The following LRMDA variants were observed in gnomAD, a reference collection of about 807,000 sequenced individuals.
LRMDA encodes the protein leucine rich melanocyte differentiation associated.
In LRMDA, 18 loss-of-function variants were observed where a neutral mutation model predicts 29.8. That is an observed-to-expected ratio of 0.60 (90% CI 0.42 to 0.90). The LOEUF is 0.90. Ranked by LOEUF, LRMDA falls within the 40% of genes least tolerant of loss-of-function variation. The pLI is 0.00. For missense variants in LRMDA, 273 were observed against 273.9 expected (o/e 1.00, Z 0.02); for synonymous variants, 125 against 109.4 (o/e 1.14, Z -0.89).
chr10:75,588,542 G>A (rs188682898), intron 2 of LRMDA, among the ~76,000 whole-genome samples: 36 of 152,170 alleles, frequency 2.4e-4, no homozygotes, highest in South Asian at 1.7e-3. Flanking sequence ...CCTATTTTGG[G>A]CATGCAGGTC....
At chr10:75,490,909 C>G (rs368480898) in intron 2 of LRMDA, among the ~76,000 whole-genome samples, 15 of 152,162 alleles carry the variant, frequency 9.9e-5, no homozygotes, top group African/African-American at 3.6e-4. Context: ...TGGAATCAAC[C>G]TCTCCTCTCC....
At chr10:75,862,686 C>G (rs1242092974) in intron 2 of LRMDA, among the ~76,000 whole-genome samples, 1 of 152,174 alleles carries the variant, frequency 6.6e-6, no homozygotes, top group Admixed American at 6.5e-5. Flanking sequence ...AGGGAAATAA[C>G]TAAACCTCCT....
intron 5 of LRMDA, among the ~76,000 whole-genome samples, chr10:76,104,824 C>G (rs752549084): frequency 6.6e-6 from 1 of 152,110 alleles, no homozygotes; most frequent in Non-Finnish European, 1.5e-5. Context: ...TGCCATCTCA[C>G]TGGGAGGCCT....
At chr10:75,498,273 CT>C (rs1011122004) in intron 2 of LRMDA, among the ~76,000 whole-genome samples, 42 of 152,152 alleles carry the variant, frequency 2.8e-4, no homozygotes, top group Middle Eastern at 3.4e-3. Context: ...CTTTCTGCAG[CT>C]TTTTTTTCCC....
intron 2 of LRMDA, among the ~76,000 whole-genome samples, chr10:75,586,552 T>G (rs995196584): frequency 2.0e-5 from 3 of 151,886 alleles, no homozygotes; most frequent in African/African-American, 7.3e-5. Context: ...GAGATAGGGC[T>G]TCACCGTGTT....
intron 2 of LRMDA, among the ~76,000 whole-genome samples, chr10:75,561,554 AT>A (rs1840295751): frequency 6.6e-6 from 1 of 151,098 alleles, no homozygotes; most frequent in Non-Finnish European, 1.5e-5. Context: ...GATTTTAGTT[AT>A]TTCTTGCCTT....
intron 2 of LRMDA, among the ~76,000 whole-genome samples, chr10:75,600,600 G>C (rs1226703806): frequency 6.6e-6 from 1 of 152,192 alleles, no homozygotes; most frequent in East Asian, 1.9e-4. Context: ...CAGAAGAAAA[G>C]GCTTCTGGGG....
At chr10:76,539,231 C>T (rs1242776968) in intron 6 of LRMDA, among the ~76,000 whole-genome samples, 1 of 151,856 alleles carries the variant, frequency 6.6e-6, no homozygotes, top group Non-Finnish European at 1.5e-5. Flanking sequence ...GTTGTAGATA[C>T]TCTAGGAAGA....
chr10:76,432,999 C>G (rs11001780), intron 6 of LRMDA, among the ~76,000 whole-genome samples: 59,459 of 151,962 alleles, frequency 0.39, 12,128 homozygotes, highest in Non-Finnish European at 0.43. Context: ...GGACTGCTGG[C>G]GGATGAATTG....
At chr10:75,982,350 G>A (rs888770108) in intron 2 of LRMDA, among the ~76,000 whole-genome samples, 1 of 152,156 alleles carries the variant, frequency 6.6e-6, no homozygotes. Context: ...GGGGTGCCTA[G>A]TGGGTGATAT....
intron 6 of LRMDA, among the ~76,000 whole-genome samples, chr10:76,355,146 G>A (rs1841223916): frequency 2.0e-5 from 3 of 152,086 alleles, no homozygotes; most frequent in Admixed American, 1.3e-4. Context: ...AAGCTTATGA[G>A]CTCATAGGAA....
intron 6 of LRMDA, among the ~76,000 whole-genome samples, chr10:76,450,215 C>T (rs962675567): frequency 2.0e-5 from 3 of 151,990 alleles, no homozygotes; most frequent in Non-Finnish European, 4.4e-5. Flanking sequence ...TGGACATAAA[C>T]CTCTTAAGTT....
chr10:76,395,086 A>G (rs1841768105), intron 6 of LRMDA, among the ~76,000 whole-genome samples: 1 of 152,154 alleles, frequency 6.6e-6, no homozygotes, highest in South Asian at 2.1e-4. Flanking sequence ...CATTCACCTG[A>G]CCTTGAAAAG....
chr10:76,482,029 CT>C (rs780596304), intron 6 of LRMDA, among the ~76,000 whole-genome samples: 9 of 152,022 alleles, frequency 5.9e-5, no homozygotes, highest in Admixed American at 2.6e-4. Context: ...CATTATCATT[CT>C]TGTGTCAACA....
intron 6 of LRMDA, among the ~76,000 whole-genome samples, chr10:76,337,643 C>T (rs1425129422): frequency 6.6e-6 from 1 of 152,022 alleles, no homozygotes; most frequent in East Asian, 1.9e-4. Flanking sequence ...GGGGCTAGAA[C>T]TTGTAGCCCA....
chr10:76,337,035 A>G (rs759665410), intron 6 of LRMDA, among the ~76,000 whole-genome samples: 4 of 152,150 alleles, frequency 2.6e-5, no homozygotes, highest in Admixed American at 6.5e-5. Flanking sequence ...CTCCAGAGAC[A>G]GGTTAGATAG....
intron 6 of LRMDA, among the ~76,000 whole-genome samples, chr10:76,518,219 T>C (rs1330540092): frequency 6.6e-6 from 1 of 151,904 alleles, no homozygotes. Flanking sequence ...AATGAGAATA[T>C]CTATCTATAT....
intron 2 of LRMDA, among the ~76,000 whole-genome samples, chr10:75,735,778 C>T (rs1842754436): frequency 6.6e-6 from 1 of 152,198 alleles, no homozygotes; most frequent in Admixed American, 6.5e-5. Context: ...ATCAGCTACC[C>T]TCTCAGCAAG....
chr10:75,947,665 T>G (rs1298619711), intron 2 of LRMDA, among the ~76,000 whole-genome samples: 1 of 152,226 alleles, frequency 6.6e-6, no homozygotes, highest in Non-Finnish European at 1.5e-5. Flanking sequence ...TAAAAAGATT[T>G]TCTTCATGAT....
Sources: allele counts gnomAD v4.1 joint callset (sites outside exome capture counted in the v4.1 genomes callset), GRCh38; gene constraint gnomAD v4.1.1; transcripts MANE v1.5; gene names NCBI Gene and HGNC (gene_info 2026-07-23, HGNC 2026-07-21).